MIPOL1: variants seen among roughly 807,000 people sequenced by gnomAD.
The protein encoded by MIPOL1 is mirror-image polydactyly gene 1 protein.
A neutral mutation model predicts 60.9 loss-of-function variants in MIPOL1; 57 were observed. The observed-to-expected ratio is 0.94, with a 90% CI of 0.76 to 1.17. The LOEUF is 1.17. MIPOL1 is among the 50% of genes most tolerant of loss of function. The probability of loss-of-function intolerance (pLI) is 0.00; values close to 1 mark genes in which losing one functional copy is unlikely to be tolerated. For missense variants in MIPOL1, 551 were observed against 511.6 expected, an observed-to-expected ratio of 1.08 and a Z score of -0.74; for synonymous variants, 179 against 168.8, an observed-to-expected ratio of 1.06 and a Z score of -0.47.
rs529781917 is a variant in MIPOL1, at chr14:37,225,882, C to T, written c.-198-21221C>T. Among the ~76,000 whole-genome samples the T allele has an allele frequency of 1.6e-4, 24 of 152,220 alleles. No homozygotes were observed. In the South Asian group the frequency reaches 4.4e-3, roughly 28 times the overall value. On this transcript the variant is annotated intron_variant, in intron 1 of 12. Coordinates refer to ENST00000684589, the MANE Select transcript of MIPOL1 (RefSeq NM_001388067.1). ...CTTTAACAGCACCCAAGTCACCTCT[C>T]GAATGCTTTGCTGTTGAGAAATTTC...
intron 12 of MIPOL1, chr14:37,501,768 G>A (rs1489897040): frequency 1.3e-5 from 2 of 152,190 alleles, no homozygotes; most frequent in African/African-American, 4.8e-5. Flanking sequence ...GCAGCCCACC[G>A]AGGGTGAGCC....
In MIPOL1 at chr14:37,326,457, A is replaced by T. The variant is rs112764578; in HGVS notation, c.828+17938A>T. On this transcript the variant is annotated intron_variant, in intron 9 of 12. Transcript: ENST00000684589. ...TTGTGTGTAGGGAAGGCAGATCCATATCCAGAGGAAGTGTCTATTCTAATA... is the reference window on the plus strand; with the variant it reads ...TTGTGTGTAGGGAAGGCAGATCCATTTCCAGAGGAAGTGTCTATTCTAATA... Among the ~76,000 whole-genome samples the T allele has an allele frequency of 2.2e-3, 330 of 152,074 alleles. 1 individual carries two copies. Among genetic ancestry groups the T allele is most frequent in the African/African-American group, 7.4e-3 (308 of 41,496 alleles).
At chr14:37,221,432 G>A (rs954718411) in intron 1 of MIPOL1, among the ~76,000 whole-genome samples, 1 of 152,136 alleles carries the variant, frequency 6.6e-6, no homozygotes, top group Non-Finnish European at 1.5e-5. Flanking sequence ...ACTGTCACGT[G>A]GTGTGTTAGT....
Position 37,364,790 on chromosome 14 carries a change from T to C in MIPOL1, c.829-4727T>C, listed in dbSNP as rs145784291. On this transcript the variant is annotated intron_variant, in intron 9 of 12. Transcript: ENST00000684589. ...CATTGTTATTTTGATAGAGATTGCA[T>C]TGAATCTGTATATTGCTTTGGGTAG... Among the ~76,000 whole-genome samples the C allele has an allele frequency of 1.6e-4, 25 of 152,324 alleles. No homozygotes were observed. The East Asian group carries it at 3.9e-3, about 24-fold the overall frequency.
At chr14:37,334,059 C>T (rs1472537027) in intron 9 of MIPOL1, among the ~76,000 whole-genome samples, 1 of 151,958 alleles carries the variant, frequency 6.6e-6, no homozygotes, top group African/African-American at 2.4e-5. Flanking sequence ...AATTAAGCAA[C>T]ACCTTTTAAA....
intron 9 of MIPOL1, among the ~76,000 whole-genome samples, chr14:37,314,087 ACT>A (rs1186168773): frequency 4.6e-5 from 7 of 151,722 alleles, no homozygotes; most frequent in African/African-American, 7.3e-5. Context: ...ATTTATTATC[ACT>A]CTTTTAATTT....
At chr14:37,432,436 GT>G (rs1186630802) in intron 11 of MIPOL1, among the ~76,000 whole-genome samples, 1 of 152,162 alleles carries the variant, frequency 6.6e-6, no homozygotes, top group East Asian at 1.9e-4. Flanking sequence ...CCTGCACAAT[GT>G]TTTTTTGTGT....
At chr14:37,205,516 G>A (rs1228765334) in intron 1 of MIPOL1, among the ~76,000 whole-genome samples, 2 of 151,754 alleles carry the variant, frequency 1.3e-5, no homozygotes, top group African/African-American at 2.4e-5. Flanking sequence ...TGTACACAAA[G>A]TGCAGGTTTG....
chr14:37,525,159 G>C, intron 12 of MIPOL1, among the ~76,000 whole-genome samples: 1 of 152,170 alleles, frequency 6.6e-6, no homozygotes, highest in Non-Finnish European at 1.5e-5. Context: ...AATCAAGCAT[G>C]TGCTATGCAC....
chr14:37,493,258 A>G (rs1374752668), intron 11 of MIPOL1, among the ~76,000 whole-genome samples: 2 of 152,210 alleles, frequency 1.3e-5, no homozygotes, highest in African/African-American at 4.8e-5. Context: ...ATTACAATTA[A>G]GATAGAGTTC....
chr14:37,260,910 CAG>C (rs1369305648), intron 3 of MIPOL1, among the ~76,000 whole-genome samples: 1 of 151,978 alleles, frequency 6.6e-6, no homozygotes, highest in Non-Finnish European at 1.5e-5. Flanking sequence ...TAATTAATAA[CAG>C]ATTGTAATTA....
intron 3 of MIPOL1, among the ~76,000 whole-genome samples, chr14:37,266,032 T>C (rs2082849479): frequency 1.3e-5 from 2 of 152,136 alleles, no homozygotes; most frequent in Admixed American, 1.3e-4. Flanking sequence ...TGTCAGAAAT[T>C]GATGGATTTA....
At position 37,416,924 on chromosome 14, in the gene MIPOL1, C is replaced by T. The variant is rs1026103954; in HGVS notation, c.937-5931C>T. ...GATCCAGCTAGTTTTTGTTTTCCTA[C>T]TGTTTATTTAATAATCACTTATTAA... On this transcript the variant is annotated intron_variant, in intron 10 of 12. Transcript: ENST00000684589. Among the ~76,000 whole-genome samples, 2 of 152,164 alleles carry T rather than the reference C, an allele frequency of 1.3e-5. 1 individual carries two copies. The highest frequency in any genetic ancestry group is 2.9e-5 in the Non-Finnish European group (2 of 68,026).
chr14:37,475,329 T>C (rs1218564752), intron 11 of MIPOL1, among the ~76,000 whole-genome samples: 3 of 152,200 alleles, frequency 2.0e-5, no homozygotes, highest in Non-Finnish European at 2.9e-5. Context: ...CAGTCCTTTA[T>C]TAGTATGTGT....
chr14:37,386,535 TGTCGA>T (rs1471960215), intron 10 of MIPOL1, among the ~76,000 whole-genome samples: 9 of 151,944 alleles, frequency 5.9e-5, no homozygotes, highest in Non-Finnish European at 1.2e-4. Context: ...CCAATGCAAA[TGTCGA>T]GTCTTCTCCC....
chr14:37,510,410 T>A (rs1309936667), intron 12 of MIPOL1, among the ~76,000 whole-genome samples: 1 of 152,076 alleles, frequency 6.6e-6, no homozygotes, highest in Non-Finnish European at 1.5e-5. Context: ...TGTTTTGTTT[T>A]GTTTTTGGTA....
intron 11 of MIPOL1, among the ~76,000 whole-genome samples, chr14:37,491,409 G>T (rs1455251292): frequency 6.6e-6 from 1 of 152,094 alleles, no homozygotes; most frequent in Non-Finnish European, 1.5e-5. Context: ...TGTGCCTGTA[G>T]TCTCAGCTAC....
At chr14:37,310,470 A>T (rs1022925047) in intron 9 of MIPOL1, among the ~76,000 whole-genome samples, 2 of 152,074 alleles carry the variant, frequency 1.3e-5, no homozygotes, top group Non-Finnish European at 2.9e-5. Context: ...GCCTACCTGC[A>T]TTTGCACCCA....
At chr14:37,210,591 C>A (rs775842297) in intron 1 of MIPOL1, among the ~76,000 whole-genome samples, 1 of 151,924 alleles carries the variant, frequency 6.6e-6, no homozygotes. Flanking sequence ...GAAGATTAGG[C>A]GGGCAGGGGG....
Sources: gnomAD v4.1 joint callset for allele counts (sites outside exome capture counted in the v4.1 genomes callset) on GRCh38, gnomAD v4.1.1 for gene constraint, MANE v1.5 for transcripts, NCBI Gene and HGNC (gene_info 2026-07-23, HGNC 2026-07-21) for gene names.